The following GDA variants were observed in gnomAD, a reference collection of about 807,000 sequenced individuals.
GDA encodes guanine deaminase, also known as cytoplasmic PSD-95 interactor.
Under a neutral mutation model 59.6 loss-of-function variants are expected in GDA, and 18 were observed. The observed-to-expected ratio is 0.30, with a 90% confidence interval of 0.21 to 0.45. The LOEUF is 0.45. Ranked by LOEUF, GDA falls within the 20% of genes least tolerant of loss-of-function variation. The probability of loss-of-function intolerance (pLI) is 1.00; values close to 1 mark genes in which losing one functional copy is unlikely to be tolerated. For missense variants in GDA, 427 were observed against 552.3 expected (o/e 0.77, Z 2.27); for synonymous variants, 201 against 201.1 (o/e 1.00, Z 0.00).
upstream of GDA, among the ~76,000 whole-genome samples, chr9:72,148,222 T>C (rs542723905): frequency 3.0e-4 from 46 of 152,152 alleles, 1 homozygote; most frequent in Non-Finnish European, 3.7e-4. Context: ...CATTCATTTA[T>C]TCAATAAACA....
intron 1 of GDA, among the ~76,000 whole-genome samples, chr9:72,171,097 G>A (rs549266049): frequency 1.4e-4 from 21 of 152,156 alleles, no homozygotes; most frequent in Non-Finnish European, 2.8e-4. Flanking sequence ...GATTACAGGC[G>A]TGAGCCACCA....
intron 1 of GDA, among the ~76,000 whole-genome samples, chr9:72,163,771 C>T (rs954336541): frequency 4.6e-5 from 7 of 152,192 alleles, no homozygotes; most frequent in Non-Finnish European, 8.8e-5. Context: ...GGATTACAGG[C>T]GTGAGCCACC....
At chr9:72,212,320 A>C (rs1371477621) in intron 4 of GDA, among the ~76,000 whole-genome samples, 1 of 152,028 alleles carries the variant, frequency 6.6e-6, no homozygotes, top group African/African-American at 2.4e-5. Context: ...GTCTCTACTA[A>C]AAATACAAAA....
At chr9:72,208,733 T>C (rs1248717620) in intron 3 of GDA, among the ~76,000 whole-genome samples, 1 of 152,200 alleles carries the variant, frequency 6.6e-6, no homozygotes, top group Admixed American at 6.5e-5. Context: ...TCACACTTGA[T>C]TGATAATTTA....
In GDA at chr9:72,245,081, C is replaced by A. The variant is rs777619314; in HGVS notation, c.1136-67C>A. ...GACATGTTGGCAAAATCTGTCCTTA[C>A]AAACTGAGACATTAGTGTGGTCTGA... On this transcript the variant is annotated intron_variant, in intron 11 of 13. Transcript: ENST00000358399. 7.9e-4 allele frequency: 1,191 copies of A among 1,502,932 alleles called. 1 individual carries two copies. Among genetic ancestry groups the A allele is most frequent in the Non-Finnish European group, 1.0e-3 (1,141 of 1,100,458 alleles). The allele number at this position is 1,502,932 out of a possible 1,614,324, so 93.1% of individuals were successfully genotyped here.
Position 72,250,634 on chromosome 9 carries a change from G to A in GDA, c.*2292G>A. 1 of 1,591,264 alleles carries A rather than the reference G, an allele frequency of 6.3e-7. No individual in the cohort carries two copies. Among genetic ancestry groups the A allele is most frequent in the Non-Finnish European group, 8.5e-7 (1 of 1,172,230 alleles). ...ATCTATACCTGGGGCCAGATTTTCT[G>A]CACTTTGAAATGTTGCCTTTGCCTA... On this transcript the variant is annotated 3_prime_UTR_variant, in exon 14 of 14. Transcript: ENST00000358399.
intron 13 of GDA, 64 bp from the exon 14 acceptor site, chr9:72,248,208 T>A: frequency 9.0e-7 from 1 of 1,115,792 alleles, no homozygotes; most frequent in Non-Finnish European, 1.4e-6. Context: ...TCTCTCCCAA[T>A]GGCAAGGAAG....
At chr9:72,118,005 G>A (rs11143120) in intron 1 of GDA, among the ~76,000 whole-genome samples, 1 of 151,900 alleles carries the variant, frequency 6.6e-6, no homozygotes, top group Non-Finnish European at 1.5e-5. Context: ...AGGCGCGGTG[G>A]CTCACGCCTG....
At chr9:72,204,908 T>C (rs972674913) in intron 3 of GDA, among the ~76,000 whole-genome samples, 3 of 152,228 alleles carry the variant, frequency 2.0e-5, no homozygotes, top group Middle Eastern at 3.4e-3. Context: ...AGTCAGGAGT[T>C]TGAGACCAGC....
intron 10 of GDA, among the ~76,000 whole-genome samples, chr9:72,237,828 G>A (rs1323306416): frequency 6.6e-6 from 1 of 151,932 alleles, no homozygotes; most frequent in South Asian, 2.1e-4. Context: ...CCAGCACAAT[G>A]CCCAACCTCA....
intron 10 of GDA, among the ~76,000 whole-genome samples, chr9:72,235,823 A>G (rs2131716925): frequency 6.6e-6 from 1 of 152,088 alleles, no homozygotes. Flanking sequence ...GTGAAATATG[A>G]AAAAAACCAT....
chr9:72,130,978 G>A (rs1826005588), intron 1 of GDA, among the ~76,000 whole-genome samples: 1 of 152,232 alleles, frequency 6.6e-6, no homozygotes, highest in East Asian at 1.9e-4. Context: ...GGAAGAGGAT[G>A]CACTAGCAGC....
At chr9:72,123,509 CAG>C (rs1411488835) in intron 1 of GDA, among the ~76,000 whole-genome samples, 33 of 88,382 alleles carry the variant, frequency 3.7e-4, no homozygotes, top group African/African-American at 1.5e-3. Flanking sequence ...TTTTTTGAGA[CAG>C]AATTTCGCTC....
chr9:72,169,437 C>G (rs566941665), intron 1 of GDA, among the ~76,000 whole-genome samples: 2 of 152,304 alleles, frequency 1.3e-5, no homozygotes, highest in East Asian at 1.9e-4. Flanking sequence ...GGAGGAGTGT[C>G]AAGTCACACA....
intron 6 of GDA, among the ~76,000 whole-genome samples, chr9:72,220,948 G>C (rs1294363873): frequency 6.6e-6 from 1 of 152,178 alleles, no homozygotes. Context: ...ATGTGGCTCT[G>C]TCAAGCAATC....
At chr9:72,185,736 C>G (rs1349851797) in intron 1 of GDA, among the ~76,000 whole-genome samples, 1 of 152,190 alleles carries the variant, frequency 6.6e-6, no homozygotes, top group African/African-American at 2.4e-5. Flanking sequence ...TAGCAACAAG[C>G]CTCTTGCCCA....
chr9:72,229,675 C>G (rs1171177630), intron 9 of GDA, among the ~76,000 whole-genome samples: 3 of 152,194 alleles, frequency 2.0e-5, no homozygotes, highest in Admixed American at 6.5e-5. Flanking sequence ...AGAGCAGGCT[C>G]TAGCACAGGA....
At chr9:72,176,076 G>A (rs1830511467) in intron 1 of GDA, among the ~76,000 whole-genome samples, 1 of 152,202 alleles carries the variant, frequency 6.6e-6, no homozygotes, top group African/African-American at 2.4e-5. Context: ...TTGAGCTCAG[G>A]AGGTAAGAGG....
chr9:72,184,097 G>C (rs1370788391), intron 1 of GDA, among the ~76,000 whole-genome samples: 1 of 152,138 alleles, frequency 6.6e-6, no homozygotes, highest in Non-Finnish European at 1.5e-5. Flanking sequence ...TTGAGAGAAA[G>C]GTTCAGAGCT....
Sources: allele counts gnomAD v4.1 joint callset (sites outside exome capture counted in the v4.1 genomes callset), GRCh38; gene constraint gnomAD v4.1.1; transcripts MANE v1.5; gene names NCBI Gene and HGNC (gene_info 2026-07-23, HGNC 2026-07-21).